Variants in MYO16 observed in about 807,000 individuals in gnomAD.
MYO16 encodes unconventional myosin-XVI.
In MYO16, 94 loss-of-function variants were observed where a neutral mutation model predicts 205.3. The observed-to-expected ratio is 0.46, with a 90% confidence interval of 0.39 to 0.54. The LOEUF (loss-of-function observed/expected upper bound fraction) is 0.54, where lower values mean the gene tolerates loss of function less well. Ranked by LOEUF, MYO16 falls within the 20% of genes least tolerant of loss-of-function variation. The pLI, the probability that MYO16 is intolerant of heterozygous loss-of-function variation, is 0.00. For synonymous variants in MYO16, 988 were observed against 954.0 expected, an observed-to-expected ratio of 1.04 and a Z score of -0.66; for missense variants, 2,315 against 2,387.5, an observed-to-expected ratio of 0.97 and a Z score of 0.63.
At chr13:108,987,004 A>G (rs1884663275) in intron 20 of MYO16, among the ~76,000 whole-genome samples, 12 of 152,278 alleles carry the variant, frequency 7.9e-5, no homozygotes, top group Admixed American at 7.2e-4. Context: ...GAGGAGAGGC[A>G]TTTTTAAATG....
chr13:108,776,636 A>G (rs1886132955), intron 4 of MYO16, among the ~76,000 whole-genome samples: 1 of 152,200 alleles, frequency 6.6e-6, no homozygotes, highest in Non-Finnish European at 1.5e-5. Flanking sequence ...CTGAGTTTTA[A>G]TATCAGGAAA....
intron 10 of MYO16, among the ~76,000 whole-genome samples, chr13:108,853,376 A>G (rs1164719876): frequency 6.6e-6 from 1 of 152,236 alleles, no homozygotes; most frequent in Non-Finnish European, 1.5e-5. Context: ...TAATTCTGAC[A>G]GCATCAAAGC....
intron 34 of MYO16, among the ~76,000 whole-genome samples, chr13:109,191,333 C>A (rs1045385584): frequency 5.3e-5 from 8 of 152,076 alleles, no homozygotes; most frequent in Non-Finnish European, 1.5e-5. Context: ...GTCTACAAAG[C>A]AAACTTGCTT....
intron 20 of MYO16, among the ~76,000 whole-genome samples, chr13:108,991,250 G>C (rs1302435095): frequency 6.6e-6 from 1 of 152,118 alleles, no homozygotes. Context: ...TTGCTAGAGT[G>C]GCTGTCATTG....
At chr13:109,198,331 A>G (rs1372146831) in intron 34 of MYO16, among the ~76,000 whole-genome samples, 2 of 152,190 alleles carry the variant, frequency 1.3e-5, no homozygotes, top group Non-Finnish European at 2.9e-5. Context: ...TACAAACCCT[A>G]ACTTCAGAAG....
chr13:109,197,166 A>G (rs938572945), intron 34 of MYO16, among the ~76,000 whole-genome samples: 1 of 152,214 alleles, frequency 6.6e-6, no homozygotes, highest in African/African-American at 2.4e-5. Flanking sequence ...TGTTGAATTC[A>G]CAGCAAGAAA....
chr13:109,174,114 T>C (rs1356250632), intron 33 of MYO16, among the ~76,000 whole-genome samples: 1 of 151,872 alleles, frequency 6.6e-6, no homozygotes, highest in Non-Finnish European at 1.5e-5. Flanking sequence ...ACTGTATTGG[T>C]GTAGGAGTCA....
chr13:108,886,419 C>G, intron 13 of MYO16: 2 of 456,198 alleles, frequency 4.4e-6, no homozygotes, highest in South Asian at 3.1e-5. Context: ...CGTCCAGGTT[C>G]TTGCCTCACG....
At chr13:108,621,305 T>C (rs1051031592) in intron 1 of MYO16, among the ~76,000 whole-genome samples, 7 of 152,206 alleles carry the variant, frequency 4.6e-5, no homozygotes, top group Admixed American at 3.3e-4. Context: ...CTTCCAGGGC[T>C]GATAGAATTC....
the MYO16 span, among the ~76,000 whole-genome samples, chr13:108,590,478 GT>G: frequency 6.6e-6 from 1 of 152,138 alleles, no homozygotes; most frequent in African/African-American, 2.4e-5. Flanking sequence ...GTTGAACTGT[GT>G]CCCCCAGAAG....
At chr13:109,090,364 C>T (rs570844142) in intron 27 of MYO16, among the ~76,000 whole-genome samples, 17 of 152,296 alleles carry the variant, frequency 1.1e-4, no homozygotes, top group Non-Finnish European at 2.1e-4. Context: ...CTTGTAAATA[C>T]GCAGGGCGGG....
At chr13:109,129,501 C>G (rs1447233492) in intron 31 of MYO16, among the ~76,000 whole-genome samples, 1 of 152,150 alleles carries the variant, frequency 6.6e-6, no homozygotes, top group Non-Finnish European at 1.5e-5. Context: ...TCTGAGGGAG[C>G]CACCAGCACC....
At chr13:108,587,075 C>A in the MYO16 span, among the ~76,000 whole-genome samples, 5 of 152,178 alleles carry the variant, frequency 3.3e-5, no homozygotes, top group African/African-American at 1.2e-4. Flanking sequence ...GATGGGAGAT[C>A]AGCCTCAAAT....
chr13:108,652,063 G>C (rs1881030046), intron 1 of MYO16, among the ~76,000 whole-genome samples: 1 of 150,458 alleles, frequency 6.6e-6, no homozygotes, highest in African/African-American at 2.5e-5. Flanking sequence ...TAAAAAAAAA[G>C]TCTTTGGAAG....
chr13:109,048,563 C>T (rs968975610), intron 24 of MYO16: 1 of 387,422 alleles, frequency 2.6e-6, no homozygotes, highest in Non-Finnish European at 4.7e-6. Flanking sequence ...ATTTTATTTA[C>T]AAAAACAGGC....
intron 27 of MYO16, among the ~76,000 whole-genome samples, chr13:109,067,201 GTAAC>G (rs759693747): frequency 6.6e-6 from 1 of 152,086 alleles, no homozygotes; most frequent in Non-Finnish European, 1.5e-5. Context: ...ACCATTTAGA[GTAAC>G]TACTCTCATT....
chr13:108,700,401 T>G (rs989102831), intron 2 of MYO16, among the ~76,000 whole-genome samples: 4 of 151,352 alleles, frequency 2.6e-5, no homozygotes, highest in African/African-American at 9.7e-5. Context: ...TGGTTGAACT[T>G]CGGCAAGAGC....
chr13:108,793,581 A>G lies in MYO16; in HGVS notation c.682A>G (p.Lys228Glu), dbSNP rs770059536. The change falls in exon 6 of 35, where the codon AAA (lysine) becomes GAA (glutamate). Residue 228 changes from lysine to glutamate, a missense_variant. Lys to Glu is a moderately conservative substitution (Grantham distance 56). Around this residue, in one of 3 missense-constraint regions of MYO16, gnomAD observed 1,213 missense variants for 1,274.4 expected, o/e 0.95. Transcript: ENST00000457511. ...ACCAATGAGTATGTTAACAGATGTC[A>G]AACACTTCTTATCATCTGGAGGAAA... The part of the protein sequence containing the change: ...QRPMSMLTDV[K>E]HFLSSGGNVN... 1 of 1,613,886 alleles carries G rather than the reference A, an allele frequency of 6.2e-7. No individual in the cohort carries two copies. Among genetic ancestry groups the G allele is most frequent in the South Asian group, 1.1e-5 (1 of 91,074 alleles).
chr13:108,890,590 C>T (rs1880125690), intron 14 of MYO16, among the ~76,000 whole-genome samples: 1 of 152,188 alleles, frequency 6.6e-6, no homozygotes, highest in African/African-American at 2.4e-5. Context: ...GTCTTCTCAT[C>T]ACAGTTATGG....
Sources: gnomAD v4.1 joint callset for allele counts (sites outside exome capture counted in the v4.1 genomes callset) on GRCh38, gnomAD v4.1.1 for gene constraint, gnomAD v4.1.1 regional missense constraint, MANE v1.5 for transcripts, NCBI Gene and HGNC (gene_info 2026-07-23, HGNC 2026-07-21) for gene names.